Variants in OR14I1 observed in about 807,000 individuals in gnomAD.
The protein encoded by OR14I1 is olfactory receptor family 14 subfamily I member 1.
For synonymous variants in OR14I1, 118 were observed against 71.1 expected, an observed-to-expected ratio of 1.66 and a Z score of -3.32; for missense variants, 279 against 181.8, an observed-to-expected ratio of 1.53 and a Z score of -3.07.
At chr1:248,684,165 A>G (rs1293531092), upstream of OR14I1, among the ~76,000 whole-genome samples, 4 of 152,270 alleles carry the variant, frequency 2.6e-5, no homozygotes, top group Admixed American at 6.5e-5. Flanking sequence ...AGCATAAACA[A>G]TGAGCAAAGT....
chr1:248,697,488 A>C, the OR14I1 span, among the ~76,000 whole-genome samples: 3 of 151,792 alleles, frequency 2.0e-5, no homozygotes, highest in East Asian at 3.9e-4. Flanking sequence ...AAAAAAAAAA[A>C]AAAAAAAAAA....
chr1:248,687,284 T>C (rs996370762), upstream of OR14I1, among the ~76,000 whole-genome samples: 2 of 152,248 alleles, frequency 1.3e-5, no homozygotes, highest in Non-Finnish European at 2.9e-5. Context: ...TTTTACTTCA[T>C]CACTATGCCT....
chr1:248,682,526 T>C (rs1661585330), upstream of OR14I1, among the ~76,000 whole-genome samples: 1 of 152,236 alleles, frequency 6.6e-6, no homozygotes, highest in South Asian at 2.1e-4. Flanking sequence ...GTAACCAATT[T>C]CTAAAAGCTT....
the OR14I1 span, among the ~76,000 whole-genome samples, chr1:248,691,572 C>T: frequency 2.0e-5 from 3 of 152,252 alleles, no homozygotes; most frequent in African/African-American, 7.2e-5. Flanking sequence ...CCAGCTCCTC[C>T]AAGTTCTTCC....
chr1:248,682,090 A>G, exon 1 of OR14I1: 2 of 781,108 alleles, frequency 2.6e-6, no homozygotes, highest in Non-Finnish European at 4.8e-6. Context: ...AGTGACTGAG[A>G]TGTAGCACAG....
In OR14I1 at chr1:248,681,372, C is replaced by T. The variant is rs764202817; in HGVS notation, c.933G>A (p.Lys311=). The T allele has an allele frequency of 6.8e-6, 5 of 733,840 alleles. No homozygotes were observed. In the Admixed American group the frequency reaches 9.9e-5, roughly 15 times the overall value. The allele number at this position is 733,840 out of a possible 1,614,324, so 45.5% of individuals were successfully genotyped here. A position where few individuals can be genotyped will look rare whatever the true frequency, so the allele number is the denominator to read the frequency against. The stretch of plus-strand genomic sequence containing the variant: ...CTATAGTAAAGACCAGGATGTTCTA[C>T]TTTTGCAGAAAATATATCTTCACAA... Residue 311 remains lysine (K), a synonymous_variant, in exon 1 of 1, where the codon AAG becomes AAA. Coordinates refer to ENST00000342623, the Ensembl canonical transcript of OR14I1.
the OR14I1 span, among the ~76,000 whole-genome samples, chr1:248,700,377 T>C: frequency 9.5e-4 from 145 of 152,366 alleles, no homozygotes; most frequent in African/African-American, 3.2e-3. Context: ...TCAATTGATA[T>C]AAAGTTTGAA....
the OR14I1 span, chr1:248,692,457 G>C: frequency 0.17 from 25,956 of 152,460 alleles, 2,633 homozygotes; most frequent in African/African-American, 0.28. Context: ...TCCCTGCTCT[G>C]ATTCCCACCC....
chr1:248,696,612 C>T, the OR14I1 span, among the ~76,000 whole-genome samples: 2 of 152,112 alleles, frequency 1.3e-5, no homozygotes, highest in East Asian at 3.9e-4. Flanking sequence ...ACTTGTAAGA[C>T]CACATTTTTC....
chr1:248,695,131 C>G, the OR14I1 span, among the ~76,000 whole-genome samples: 1 of 151,604 alleles, frequency 6.6e-6, no homozygotes, highest in Non-Finnish European at 1.5e-5. Flanking sequence ...GAAGGTCTCT[C>G]TAACGTTAAC....
the OR14I1 span, among the ~76,000 whole-genome samples, chr1:248,702,243 C>T: frequency 1.3e-5 from 2 of 152,166 alleles, no homozygotes. Context: ...AAAGTCTTAT[C>T]TGAGGCAAGA....
chr1:248,702,307 A>G, the OR14I1 span, among the ~76,000 whole-genome samples: 1 of 152,180 alleles, frequency 6.6e-6, no homozygotes, highest in Admixed American at 6.5e-5. Context: ...GTTACTTCCA[A>G]GATACAAAGG....
chr1:248,681,561 G>C (rs577529627), exon 1 of OR14I1: 1 of 781,032 alleles, frequency 1.3e-6, no homozygotes, highest in Non-Finnish European at 2.4e-6. Flanking sequence ...TGGTAAGAAA[G>C]AGCATGATGA....
chr1:248,695,899 G>A, the OR14I1 span, among the ~76,000 whole-genome samples: 7 of 152,190 alleles, frequency 4.6e-5, no homozygotes, highest in South Asian at 2.1e-4. Flanking sequence ...TGGAATGTTC[G>A]CAAGAGTTTC....
chr1:248,689,791 C>G, the OR14I1 span, among the ~76,000 whole-genome samples: 1 of 152,206 alleles, frequency 6.6e-6, no homozygotes, highest in Non-Finnish European at 1.5e-5. Flanking sequence ...CTCAGCACCA[C>G]ATAGCACTTA....
the OR14I1 span, chr1:248,692,155 C>T: frequency 6.6e-6 from 1 of 152,508 alleles, no homozygotes; most frequent in Non-Finnish European, 1.5e-5. Flanking sequence ...CTCAGCCACG[C>T]GTCCCTCGGT....
chr1:248,698,427 G>T, the OR14I1 span, among the ~76,000 whole-genome samples: 1 of 152,100 alleles, frequency 6.6e-6, no homozygotes, highest in African/African-American at 2.4e-5. Context: ...TAAGAGATTA[G>T]ATTTATGTTC....
At chr1:248,686,955 T>G (rs1223151040), upstream of OR14I1, among the ~76,000 whole-genome samples, 1 of 152,192 alleles carries the variant, frequency 6.6e-6, no homozygotes, top group African/African-American at 2.4e-5. Flanking sequence ...TAGTTTCCCA[T>G]AGAGACTGGG....
chr1:248,681,297 T>C, downstream of OR14I1: 1 of 598,408 alleles, frequency 1.7e-6, no homozygotes, highest in South Asian at 2.4e-5. Flanking sequence ...TTTTTCATCT[T>C]TTTTTGTCAT....
Sources: allele counts gnomAD v4.1 joint callset (sites outside exome capture counted in the v4.1 genomes callset), GRCh38; gene constraint gnomAD v4.1.1; transcripts MANE v1.5; gene names NCBI Gene and HGNC (gene_info 2026-07-23, HGNC 2026-07-21).